Variants in ERC2 observed in about 807,000 individuals in gnomAD.
The protein encoded by ERC2 is ERC protein 2.
In ERC2, 42 loss-of-function variants were observed where a neutral mutation model predicts 114.8. The ratio of observed to expected loss-of-function variants is 0.37; its 90% CI spans 0.29 to 0.47. The LOEUF is 0.47. Ranked by LOEUF, ERC2 falls within the 20% of genes least tolerant of loss-of-function variation. ERC2 has a pLI of 0.99. For missense variants in ERC2, 939 were observed against 1,150.7 expected, an observed-to-expected ratio of 0.82 and a Z score of 2.66; for synonymous variants, 454 against 425.5, an observed-to-expected ratio of 1.07 and a Z score of -0.82.
intron 2 of ERC2, among the ~76,000 whole-genome samples, chr3:56,417,729 CA>C (rs1175188169): frequency 6.6e-6 from 1 of 152,198 alleles, no homozygotes; most frequent in Non-Finnish European, 1.5e-5. Context: ...CGACCACCAT[CA>C]TAGAAAACAA....
chr3:56,051,001 T>G (rs1448388208), intron 7 of ERC2, among the ~76,000 whole-genome samples: 1 of 152,164 alleles, frequency 6.6e-6, no homozygotes, highest in African/African-American at 2.4e-5. Context: ...CATATAAGGA[T>G]TTCACAGAGG....
intron 12 of ERC2, among the ~76,000 whole-genome samples, chr3:55,959,753 C>T (rs1485841473): frequency 2.0e-5 from 3 of 152,148 alleles, no homozygotes; most frequent in Admixed American, 6.5e-5. Flanking sequence ...AGAATAGTGG[C>T]CCTGGGATGG....
At position 56,296,157 on chromosome 3, in the gene ERC2, C is replaced by T. The variant is rs2055420729; in HGVS notation, c.936G>A (p.Leu312=). Residue 312 remains leucine (L), a synonymous_variant, in exon 3 of 18, where the codon TTG becomes TTA. Transcript: ENST00000288221. ...DESIKKLLEM[L]QSKGLPSKSL... ...TTTTGGATGGCAAGCCTTTACTTTG[C>T]AACATCTCAAGAAGTTTTTTAATTG... is the stretch of plus-strand genomic sequence containing the variant. 6.2e-7 allele frequency: 1 copy of T among 1,614,018 alleles called. No individual in the cohort carries two copies. Among genetic ancestry groups the T allele is most frequent in the Non-Finnish European group, 8.5e-7 (1 of 1,179,898 alleles).
chr3:55,597,052 C>T (rs1206662567), intron 17 of ERC2, among the ~76,000 whole-genome samples: 2 of 152,118 alleles, frequency 1.3e-5, no homozygotes, highest in South Asian at 4.1e-4. Flanking sequence ...TGAACATGTG[C>T]TTGGTTACTT....
intron 16 of ERC2, among the ~76,000 whole-genome samples, chr3:55,690,874 C>T (rs969446151): frequency 6.6e-6 from 1 of 152,218 alleles, no homozygotes; most frequent in Non-Finnish European, 1.5e-5. Flanking sequence ...TTGACAATAA[C>T]CTGCTCATCT....
At chr3:55,587,789 G>A (rs1263025863) in intron 17 of ERC2, among the ~76,000 whole-genome samples, 2 of 152,132 alleles carry the variant, frequency 1.3e-5, no homozygotes, top group African/African-American at 4.8e-5. Context: ...CTTGGACTAA[G>A]CTATTCACAT....
At chr3:56,199,100 C>A (rs1250550003) in intron 3 of ERC2, among the ~76,000 whole-genome samples, 2 of 152,166 alleles carry the variant, frequency 1.3e-5, no homozygotes, top group Non-Finnish European at 2.9e-5. Context: ...GGTACCTATG[C>A]ATGATCTGTT....
At chr3:56,387,922 A>C (rs1179928085) in intron 2 of ERC2, among the ~76,000 whole-genome samples, 3 of 152,172 alleles carry the variant, frequency 2.0e-5, no homozygotes, top group East Asian at 3.8e-4. Flanking sequence ...AGTTAAAATT[A>C]ACAGATAAAT....
intron 13 of ERC2, among the ~76,000 whole-genome samples, chr3:55,936,014 C>T (rs778515079): frequency 1.3e-5 from 2 of 152,184 alleles, no homozygotes; most frequent in African/African-American, 4.8e-5. Flanking sequence ...GTTATTCATG[C>T]ATCTCATTTT....
chr3:55,657,894 T>G (rs2060947249), intron 17 of ERC2: 1 of 152,198 alleles, frequency 6.6e-6, no homozygotes, highest in African/African-American at 2.4e-5. Flanking sequence ...GTCTGAAATG[T>G]CTAATAAATG....
chr3:56,098,971 C>T (rs2078208474), intron 6 of ERC2, among the ~76,000 whole-genome samples: 1 of 152,154 alleles, frequency 6.6e-6, no homozygotes, highest in African/African-American at 2.4e-5. Flanking sequence ...GTCCATGTTC[C>T]AGAACCTGTG....
intron 17 of ERC2, among the ~76,000 whole-genome samples, chr3:55,638,451 T>C (rs917557552): frequency 6.6e-6 from 1 of 152,230 alleles, no homozygotes. Context: ...TCGTTGTGCA[T>C]AGCTTTGGCA....
chr3:55,946,127 C>T (rs550606989), intron 13 of ERC2, among the ~76,000 whole-genome samples: 25 of 151,828 alleles, frequency 1.6e-4, no homozygotes, highest in African/African-American at 5.3e-4. Flanking sequence ...CTGGAAATGA[C>T]GATTTAGTGT....
At chr3:56,199,046 A>C (rs2048267118) in intron 3 of ERC2, among the ~76,000 whole-genome samples, 1 of 152,212 alleles carries the variant, frequency 6.6e-6, no homozygotes, top group African/African-American at 2.4e-5. Flanking sequence ...TATGACAGGC[A>C]CTGTGCTAAG....
intron 17 of ERC2, among the ~76,000 whole-genome samples, chr3:55,683,284 C>T (rs1427403208): frequency 1.3e-5 from 2 of 152,164 alleles, no homozygotes; most frequent in African/African-American, 4.8e-5. Flanking sequence ...AGAGATAGCA[C>T]AATCCATTAA....
intron 6 of ERC2, among the ~76,000 whole-genome samples, chr3:56,121,512 G>A (rs986013560): frequency 6.6e-6 from 1 of 152,116 alleles, no homozygotes; most frequent in African/African-American, 2.4e-5. Flanking sequence ...TATGACTTAA[G>A]TTATTTAAGT....
intron 7 of ERC2, among the ~76,000 whole-genome samples, chr3:56,045,802 A>T (rs760958706): frequency 6.6e-6 from 1 of 152,174 alleles, no homozygotes; most frequent in Non-Finnish European, 1.5e-5. Flanking sequence ...ATAATTCAGC[A>T]ACTTCTGAGA....
At chr3:56,065,961 G>T (rs577421410) in intron 7 of ERC2, among the ~76,000 whole-genome samples, 4 of 152,102 alleles carry the variant, frequency 2.6e-5, no homozygotes, top group Admixed American at 1.3e-4. Context: ...ACAGGCATTT[G>T]GGTTGATTCC....
At chr3:55,902,052 C>A (rs2064165172) in intron 13 of ERC2, among the ~76,000 whole-genome samples, 1 of 152,190 alleles carries the variant, frequency 6.6e-6, no homozygotes, top group South Asian at 2.1e-4. Context: ...CAATAGCTAC[C>A]AGTGCATCTT....
Sources: allele counts gnomAD v4.1 joint callset (sites outside exome capture counted in the v4.1 genomes callset), GRCh38; gene constraint gnomAD v4.1.1; transcripts MANE v1.5; gene names NCBI Gene and HGNC (gene_info 2026-07-23, HGNC 2026-07-21).